HDAC5: variants seen among roughly 807,000 people sequenced by gnomAD.
HDAC5 encodes the protein histone deacetylase 5.
HDAC5 carries 25 observed loss-of-function variants against 133.3 expected under a neutral mutation model. That is an observed-to-expected ratio of 0.19 (90% CI 0.14 to 0.26). The LOEUF is 0.26. Ranked by LOEUF, HDAC5 falls within the 10% of genes least tolerant of loss-of-function variation. The probability of loss-of-function intolerance (pLI) is 1.00; values close to 1 mark genes in which losing one functional copy is unlikely to be tolerated. For missense variants in HDAC5, 1,041 were observed against 1,460.5 expected (o/e 0.71, Z 4.68); for synonymous variants, 589 against 610.8 (o/e 0.96, Z 0.53).
At chr17:44,085,234 G>C (rs2050590513) in intron 14 of HDAC5, 79 bp from the exon 15 acceptor site, 2 of 1,387,218 alleles carry the variant, frequency 1.4e-6, no homozygotes, top group South Asian at 3.4e-5. Flanking sequence ...CCTCAGCAGG[G>C]CTCATGGAGC....
chr17:44,080,439 G>A lies in HDAC5; in HGVS notation c.2787C>T (p.Asp929=), dbSNP rs756471886. The A allele has an allele frequency of 2.5e-6, 4 of 1,614,010 alleles. No individual in the cohort carries two copies. In the African/African-American group the frequency reaches 4.0e-5, roughly 16 times the overall value. The change falls in exon 22 of 27, where the codon GAC becomes GAT. Residue 929 remains aspartate (D), a synonymous_variant. Coordinates refer to ENST00000682912, the MANE Select transcript of HDAC5 (RefSeq NM_005474.5). The part of the protein sequence containing the change: ...NVNVAWTGGV[D]PPIGDVEYLT... ...GGTACTCCACGTCTCCAATGGGGGG[G>A]TCCACACCTCCTGTCCATGCCACGT...
intron 3 of HDAC5, among the ~76,000 whole-genome samples, chr17:44,097,433 A>G (rs567170485): frequency 6.7e-6 from 1 of 148,300 alleles, no homozygotes; most frequent in East Asian, 2.1e-4. Flanking sequence ...ACACATACTC[A>G]TCTTCATTCC....
At position 44,121,183 on chromosome 17, in the gene HDAC5, G is replaced by T. The variant is rs1020768603; in HGVS notation, c.-190+2321C>A. On this transcript the variant is annotated intron_variant, in intron 1 of 26. Coordinates refer to ENST00000682912, the MANE Select transcript of HDAC5 (RefSeq NM_005474.5). Reference sequence around the variant, plus strand: ...GCGGAGGCAGAGGGCAGAAGACGGGGTCTGTTTGCCCTAAAACCTCAGGCA... The same window carrying T: ...GCGGAGGCAGAGGGCAGAAGACGGGTTCTGTTTGCCCTAAAACCTCAGGCA... Among the ~76,000 whole-genome samples, 3 of 151,982 alleles carry T rather than the reference G, an allele frequency of 2.0e-5. No homozygotes were observed. In the East Asian group the frequency reaches 5.8e-4, roughly 29 times the overall value.
intron 3 of HDAC5, among the ~76,000 whole-genome samples, chr17:44,097,616 G>A (rs1397246432): frequency 6.6e-6 from 1 of 152,240 alleles, no homozygotes; most frequent in Non-Finnish European, 1.5e-5. Flanking sequence ...AGGGTTATCT[G>A]TTCTTAGTCA....
rs569035584 is a variant in HDAC5 at position 44,090,079 on chromosome 17, A to G, written c.1387+1191T>C. ...GAAACCCCAGCTCTATTAAAAATAC[A>G]AAAATTAGCCAGGCGCGGTGGCAGG... On this transcript the variant is annotated intron_variant, in intron 11 of 26. Coordinates refer to ENST00000682912, the MANE Select transcript of HDAC5 (RefSeq NM_005474.5). 3.9e-5 allele frequency among the ~76,000 whole-genome samples: 6 copies of G among 152,002 alleles called. No homozygotes were observed. The East Asian group carries it at 1.2e-3, about 30-fold the overall frequency.
chr17:44,091,621 G>T, intron 10 of HDAC5, 79 bp downstream of exon 10: 1 of 1,502,212 alleles, frequency 6.7e-7, no homozygotes, highest in Non-Finnish European at 8.9e-7. Flanking sequence ...GCCTTGGAAG[G>T]GGAAAACCCC....
chr17:44,093,005 A>T, intron 6 of HDAC5, 87 bp downstream of exon 6: 1 of 938,542 alleles, frequency 1.1e-6, no homozygotes, highest in Non-Finnish European at 1.6e-6. Context: ...GTATATGGGC[A>T]CGGGGAAGAA....
At chr17:44,080,597 T>G in intron 21 of HDAC5, 99 bp from the exon 22 acceptor site, 1 of 1,481,654 alleles carries the variant, frequency 6.7e-7, no homozygotes, top group Non-Finnish European at 9.4e-7. Context: ...TCCACTGACC[T>G]CTGCTCTGCC....
intron 17 of HDAC5, 48 bp from the exon 18 acceptor site, chr17:44,083,700 A>T (rs1256077787): frequency 6.3e-7 from 1 of 1,584,632 alleles, no homozygotes; most frequent in South Asian, 1.1e-5. Flanking sequence ...CAGGGCAAGA[A>T]CAGGGGAGGG....
Position 44,123,626 on chromosome 17 carries a change from C to A in HDAC5, c.-312G>T. 5.0e-6 allele frequency: 2 copies of A among 396,730 alleles called. No individual in the cohort carries two copies. Among genetic ancestry groups the A allele is most frequent in the Non-Finnish European group, 8.9e-6 (2 of 224,872 alleles). 24.6% of individuals were successfully genotyped at this position (396,730 alleles called of 1,614,324 possible). On this transcript the variant is annotated 5_prime_UTR_variant, in exon 1 of 27. Transcript: ENST00000682912. ...CGGCTCCTCCGGCTCCGCTCGCCGCCGCCACCAACAACAACATTCGGAGAC... is the reference window on the plus strand; with the variant it reads ...CGGCTCCTCCGGCTCCGCTCGCCGCAGCCACCAACAACAACATTCGGAGAC...
Position 44,077,728 on chromosome 17 carries a change from G to C in HDAC5, c.*648C>G, listed in dbSNP as rs2144173513. ...CCGGGGAAGGGGAAGTAGGCTGTGA[G>C]GAGTGTGAGGCAAGACAGCCCTCCT... is the stretch of plus-strand genomic sequence containing the variant. On this transcript the variant is annotated 3_prime_UTR_variant, in exon 27 of 27. Transcript: ENST00000682912. 1 of 152,496 alleles carries C rather than the reference G, an allele frequency of 6.6e-6. No homozygotes were observed. The highest frequency in any genetic ancestry group is 1.9e-4 in the East Asian group (1 of 5,182). The allele number at this position is 152,496 out of a possible 1,614,324, so 9.4% of individuals were successfully genotyped here.
intron 5 of HDAC5, 47 bp downstream of exon 5, chr17:44,093,267 G>C (rs1274398944): frequency 6.3e-7 from 1 of 1,582,752 alleles, no homozygotes; most frequent in Middle Eastern, 1.7e-4. Context: ...GGCAGGGGCA[G>C]GCATCACGGG....
intron 2 of HDAC5, among the ~76,000 whole-genome samples, chr17:44,115,313 G>T (rs1233318768): frequency 6.6e-6 from 1 of 152,198 alleles, no homozygotes; most frequent in African/African-American, 2.4e-5. Flanking sequence ...GCAGACCCTG[G>T]GGACTAACCA....
chr17:44,122,395 C>T (rs2053065843), intron 1 of HDAC5, among the ~76,000 whole-genome samples: 1 of 152,064 alleles, frequency 6.6e-6, no homozygotes, highest in Admixed American at 6.5e-5. Flanking sequence ...TAATCTGGCT[C>T]CATCCTCCCC....
At position 44,078,680 on chromosome 17, in the gene HDAC5, C is replaced by T. The variant is rs772649700; in HGVS notation, c.3164-15G>A. 6.2e-7 allele frequency: 1 copy of T among 1,604,920 alleles called. No individual in the cohort carries two copies. Among genetic ancestry groups the T allele is most frequent in the Admixed American group, 1.7e-5 (1 of 59,928 alleles). On this transcript the variant is annotated splice_polypyrimidine_tract_variant and intron_variant, in intron 25 of 26. Transcript: ENST00000682912. ...CCAGTGTTTGCCTGTGGACGAGAGA[C>T]AGGCAAGGGGTCAGGGAGGGCAGAG...
Position 44,080,686 on chromosome 17 carries a change from G to A in HDAC5, c.2727+77C>T, listed in dbSNP as rs773417829. ...GGTACCAACACCACCATGGGCCTCC[G>A]TGGCTCCCCGCCAGGTCCCATTGTG... is the stretch of plus-strand genomic sequence containing the variant. On this transcript the variant is annotated intron_variant, in intron 21 of 26. Coordinates refer to ENST00000682912, the MANE Select transcript of HDAC5 (RefSeq NM_005474.5). The A allele has an allele frequency of 3.1e-5, 50 of 1,599,330 alleles. No individual in the cohort carries two copies. The East Asian group carries it at 3.3e-4, about 11-fold the overall frequency.
chr17:44,108,477 C>A (rs1315849734), intron 3 of HDAC5, among the ~76,000 whole-genome samples: 1 of 152,154 alleles, frequency 6.6e-6, no homozygotes, highest in Non-Finnish European at 1.5e-5. Flanking sequence ...AGGTGGCAGG[C>A]AGGCACCACC....
Position 44,082,794 on chromosome 17 carries a change from T to C in HDAC5, c.2490A>G (p.Pro830=). 6.4e-7 allele frequency: 1 copy of C among 1,559,424 alleles called. No homozygotes were observed. Among genetic ancestry groups the C allele is most frequent in the Non-Finnish European group, 8.7e-7 (1 of 1,150,912 alleles). Residue 830 remains proline, a synonymous_variant, in exon 19 of 27, where the codon CCA becomes CCG. Coordinates refer to ENST00000682912, the MANE Select transcript of HDAC5 (RefSeq NM_005474.5). ...CTGTGGATTCCTCGGCGTGGTGTCC[T>C]GGGGGCCGGATGATGGCAAATCCAT... is the stretch of plus-strand genomic sequence containing the variant. ...LKNGFAIIRP[P]GHHAEESTAM... is the part of the protein sequence containing the mutation.
Position 44,076,963 on chromosome 17 carries a change from C to T in HDAC5, c.*1413G>A, listed in dbSNP as rs3088347. On this transcript the variant is annotated 3_prime_UTR_variant, in exon 27 of 27. Transcript: ENST00000682912. ...CACTGAGCCTGGCCCCATCCCCATC[C>T]CCCAGGAGGATCTAAAACAAACACA... The T allele has an allele frequency of 0.15, 22,627 of 154,328 alleles. 2,086 individuals are homozygous for T. The highest frequency in any genetic ancestry group is 0.2 in the Non-Finnish European group (13,861 of 69,278). 9.6% of individuals were successfully genotyped at this position (154,328 alleles called of 1,614,324 possible).
Sources: gnomAD v4.1 joint callset for allele counts (sites outside exome capture counted in the v4.1 genomes callset) on GRCh38, gnomAD v4.1.1 for gene constraint, MANE v1.5 for transcripts, NCBI Gene and HGNC (gene_info 2026-07-23, HGNC 2026-07-21) for gene names.